Variants in NRP1 observed in about 807,000 individuals in gnomAD.
The protein encoded by NRP1 is neuropilin-1.
In NRP1, 35 loss-of-function variants were observed where a neutral mutation model predicts 106.7. The ratio of observed to expected loss-of-function variants is 0.33; its 90% confidence interval spans 0.25 to 0.43. The LOEUF is 0.43. Ranked by LOEUF, NRP1 falls within the 20% of genes least tolerant of loss-of-function variation. The probability of loss-of-function intolerance (pLI) is 1.00; values close to 1 mark genes in which losing one functional copy is unlikely to be tolerated. For synonymous variants in NRP1, 437 were observed against 417.9 expected, an observed-to-expected ratio of 1.05 and a Z score of -0.56; for missense variants, 1,024 against 1,170.4, an observed-to-expected ratio of 0.87 and a Z score of 1.83.
intron 8 of NRP1, among the ~76,000 whole-genome samples, chr10:33,217,318 T>C (rs1316380198): frequency 1.3e-5 from 2 of 152,048 alleles, no homozygotes; most frequent in Non-Finnish European, 2.9e-5. Flanking sequence ...TGTCCCCATT[T>C]AGCCAACATA....
intron 2 of NRP1, among the ~76,000 whole-genome samples, chr10:33,282,121 A>T (rs910813882): frequency 2.3e-5 from 3 of 128,734 alleles, no homozygotes; most frequent in African/African-American, 8.3e-5. Context: ...TATATATACC[A>T]TAGTATGTTT....
At chr10:33,247,754 C>T (rs558525257) in intron 6 of NRP1, among the ~76,000 whole-genome samples, 63 of 152,318 alleles carry the variant, frequency 4.1e-4, no homozygotes, top group African/African-American at 1.4e-3. Context: ...TGGCAATGCA[C>T]GCGCTGGCCA....
chr10:33,236,506 G>A (rs1840567591), intron 6 of NRP1, among the ~76,000 whole-genome samples: 1 of 152,200 alleles, frequency 6.6e-6, no homozygotes, highest in Non-Finnish European at 1.5e-5. Context: ...TCGTCTAGTA[G>A]AAGACCGAGA....
intron 10 of NRP1, chr10:33,205,431 T>C (rs1185900567): frequency 2.0e-5 from 3 of 152,232 alleles, no homozygotes; most frequent in Non-Finnish European, 4.4e-5. Context: ...AAGGCCGATT[T>C]ATCAAGACAG....
chr10:33,236,622 T>C (rs535008086), intron 6 of NRP1, among the ~76,000 whole-genome samples: 1 of 152,306 alleles, frequency 6.6e-6, no homozygotes, highest in East Asian at 1.9e-4. Context: ...TAAGATTAAA[T>C]AGAGTGTGTA....
chr10:33,239,646 T>C (rs1384192647), intron 6 of NRP1, among the ~76,000 whole-genome samples: 1 of 152,242 alleles, frequency 6.6e-6, no homozygotes, highest in African/African-American at 2.4e-5. Flanking sequence ...CCACACTGTG[T>C]GAAGTATTCC....
chr10:33,293,891 A>G (rs748055198), intron 2 of NRP1, among the ~76,000 whole-genome samples: 15 of 152,228 alleles, frequency 9.9e-5, no homozygotes, highest in Non-Finnish European at 1.3e-4. Context: ...ATCCATACTC[A>G]ACGTGAATTC....
intron 9 of NRP1, 134 bp downstream of exon 9, chr10:33,213,252 C>A (rs760733350): frequency 2.5e-6 from 4 of 1,605,066 alleles, no homozygotes; most frequent in Non-Finnish European, 3.4e-6. Flanking sequence ...AAGGGTCTTA[C>A]TGACCCCATC....
intron 2 of NRP1, among the ~76,000 whole-genome samples, chr10:33,308,768 T>A (rs1407734092): frequency 6.6e-6 from 1 of 152,086 alleles, no homozygotes; most frequent in Non-Finnish European, 1.5e-5. Context: ...GGATTACAGG[T>A]GTGAGCCACC....
In NRP1 at chr10:33,202,540, G is replaced by A. The variant is rs185146450; in HGVS notation, c.1864+351C>T. On this transcript the variant is annotated intron_variant, in intron 11 of 16. Coordinates refer to ENST00000374867, the MANE Select transcript of NRP1 (RefSeq NM_003873.7). ...GAAAATAAACATTCTGAAGTGTGTGGTTACGTAGGGGTGGTGCACGTGTTA... is the reference window on the plus strand; with the variant it reads ...GAAAATAAACATTCTGAAGTGTGTGATTACGTAGGGGTGGTGCACGTGTTA... The A allele has an allele frequency of 5.1e-3, 6,997 of 1,372,424 alleles. 59 individuals are homozygous for A. The highest frequency in any genetic ancestry group is 0.01 in the South Asian group (640 of 62,618). The allele number at this position is 1,372,424 out of a possible 1,614,324, so 85.0% of individuals were successfully genotyped here. A position where few individuals can be genotyped will look rare whatever the true frequency, so the allele number is the denominator to read the frequency against.
At chr10:33,289,248 A>G (rs2132615262) in intron 2 of NRP1, among the ~76,000 whole-genome samples, 1 of 152,300 alleles carries the variant, frequency 6.6e-6, no homozygotes, top group African/African-American at 2.4e-5. Flanking sequence ...TGTTCCAATT[A>G]CATTAAACCT....
At chr10:33,185,563 T>C in intron 15 of NRP1, 65 bp downstream of exon 15, 1 of 1,226,838 alleles carries the variant, frequency 8.2e-7, no homozygotes, top group South Asian at 1.3e-5. Flanking sequence ...ACAAAGACCA[T>C]CATATTGGCA....
intron 13 of NRP1, 82 bp downstream of exon 13, chr10:33,192,199 C>T (rs1171364327): frequency 6.8e-7 from 1 of 1,479,572 alleles, no homozygotes; most frequent in African/African-American, 1.4e-5. Flanking sequence ...AATTCACAGA[C>T]ATTAGAAACC....
At chr10:33,222,925 C>T (rs938925200) in intron 7 of NRP1, among the ~76,000 whole-genome samples, 2 of 152,278 alleles carry the variant, frequency 1.3e-5, no homozygotes, top group Admixed American at 1.3e-4. Flanking sequence ...TCTGCCTGGG[C>T]GGGGGGCTGC....
At chr10:33,304,873 A>G (rs1453410838) in intron 2 of NRP1, among the ~76,000 whole-genome samples, 1 of 152,284 alleles carries the variant, frequency 6.6e-6, no homozygotes, top group East Asian at 1.9e-4. Context: ...AATAGCGTAG[A>G]AACCCATATG....
chr10:33,334,259 C>G, intron 1 of NRP1, 51 bp downstream of exon 1: 2 of 1,503,722 alleles, frequency 1.3e-6, no homozygotes, highest in Non-Finnish European at 1.8e-6. Flanking sequence ...CCGGGGCGGG[C>G]AGCTGGGAGC....
Position 33,213,511 on chromosome 10 carries a change from C to T in NRP1, c.1489G>A (p.Gly497Ser), listed in dbSNP as rs1192699113. Residue 497 changes from glycine (G) to serine (S), a missense_variant, in exon 9 of 17, where the codon GGC becomes AGC. Gly to Ser is a moderately conservative substitution (Grantham distance 56). Transcript: ENST00000374867. The stretch of plus-strand genomic sequence containing the variant: ...TGCTTCCCACCCTGAATGATGATGC[C>T]CCTCACGATCTTCTCCTCCCCCAGG... ...IDLGEEKIVR[G>S]IIIQGGKHRE... is the part of the protein sequence containing the mutation. 6.2e-7 allele frequency: 1 copy of T among 1,614,022 alleles called. No homozygotes were observed. The highest frequency in any genetic ancestry group is 1.1e-5 in the South Asian group (1 of 91,062).
At chr10:33,272,699 A>G (rs925796889) in intron 2 of NRP1, among the ~76,000 whole-genome samples, 1 of 152,284 alleles carries the variant, frequency 6.6e-6, no homozygotes, top group East Asian at 1.9e-4. Flanking sequence ...TTCATTGACA[A>G]GGCAGGTTTG....
chr10:33,180,310 C>G lies in NRP1; in HGVS notation c.2538G>C (p.Lys846Asn), dbSNP rs755296281. The G allele has an allele frequency of 1.2e-6, 2 of 1,608,020 alleles. No individual in the cohort carries two copies. Among genetic ancestry groups the G allele is most frequent in the South Asian group, 1.1e-5 (1 of 90,840 alleles). The stretch of plus-strand genomic sequence containing the variant: ...CTAAGGTCTTCAACACATTGCCTGG[C>G]TTCCTGGAGATGTTCTTGTCACCTT... The part of the protein sequence containing the change: ...EGEGDKNISR[K>N]PGNVLKTLDP... Residue 846 changes from lysine (K) to asparagine (N), a missense_variant, in exon 17 of 17, where the codon AAG (lysine) becomes AAC (asparagine). Physicochemically the swap from Lys to Asn is moderately conservative, Grantham distance 94. Around this residue, in one of 5 missense-constraint regions of NRP1, gnomAD observed 164 missense variants for 161.4 expected, o/e 1.02. Coordinates refer to ENST00000374867, the MANE Select transcript of NRP1 (RefSeq NM_003873.7).
Sources: allele counts gnomAD v4.1 joint callset (sites outside exome capture counted in the v4.1 genomes callset), GRCh38; gene constraint gnomAD v4.1.1; regional missense constraint gnomAD v4.1.1; transcripts MANE v1.5; gene names NCBI Gene and HGNC (gene_info 2026-07-23, HGNC 2026-07-21).